The following LRRIQ1 variants were observed in gnomAD, a reference collection of about 807,000 sequenced individuals.
LRRIQ1 encodes leucine-rich repeat- and IQ domain-containing protein 1.
LRRIQ1 carries 210 observed loss-of-function variants against 211.9 expected under a neutral mutation model. That is an observed-to-expected ratio of 0.99 (90% CI 0.89 to 1.11). The LOEUF (loss-of-function observed/expected upper bound fraction) is 1.11. Among genes scored for constraint, LRRIQ1 ranks in the 50% most tolerant of loss-of-function variants. LRRIQ1 has a pLI of 0.00. For missense variants in LRRIQ1, 2,136 were observed against 1,939.5 expected (o/e 1.10, Z -1.90); for synonymous variants, 699 against 650.1 (o/e 1.08, Z -1.14).
rs768102095 is a variant in LRRIQ1 at position 85,055,531 on chromosome 12, TCTTA to T, written c.754-12_754-9del. On this transcript the variant is annotated splice_polypyrimidine_tract_variant and intron_variant, in intron 7 of 26. Transcript: ENST00000393217. ...TTTAGTTTATGCTGACTACCATGTATCTTACTTTGTTTTAGGAGTATATTAGAAA... is the reference window on the plus strand; with the variant it reads ...TTTAGTTTATGCTGACTACCATGTATCTTTGTTTTAGGAGTATATTAGAAA... 2 of 1,463,040 alleles carry T rather than the reference TCTTA, an allele frequency of 1.4e-6. No homozygotes were observed. Among genetic ancestry groups the T allele is most frequent in the South Asian group, 3.1e-5 (2 of 65,166 alleles). 90.6% of individuals were successfully genotyped at this position (1,463,040 alleles called of 1,614,324 possible).
At chr12:85,042,792 A>C (rs970508876) in intron 3 of LRRIQ1, among the ~76,000 whole-genome samples, 10 of 152,164 alleles carry the variant, frequency 6.6e-5, no homozygotes, top group Admixed American at 5.2e-4. Context: ...AAACTAGGAA[A>C]GATGTTATAA....
intron 15 of LRRIQ1, among the ~76,000 whole-genome samples, chr12:85,115,013 T>TA (rs953495167): frequency 5.9e-5 from 9 of 152,298 alleles, no homozygotes; most frequent in Admixed American, 3.9e-4. Context: ...GCTGATGTAC[T>TA]AAAAAAATCT....
At chr12:85,270,888 A>C in the LRRIQ1 span, among the ~76,000 whole-genome samples, 20 of 152,256 alleles carry the variant, frequency 1.3e-4, no homozygotes, top group Non-Finnish European at 2.2e-4. Flanking sequence ...AGTAGTCTCT[A>C]CATTATTACA....
intron 10 of LRRIQ1, among the ~76,000 whole-genome samples, chr12:85,068,219 G>A (rs1044400696): frequency 5.9e-5 from 9 of 151,842 alleles, no homozygotes; most frequent in Non-Finnish European, 1.3e-4. Flanking sequence ...GCTCCCAGAG[G>A]ATACCATACT....
At chr12:85,260,768 A>G (rs1368601399) in intron 1 of LRRIQ1, among the ~76,000 whole-genome samples, 2 of 152,162 alleles carry the variant, frequency 1.3e-5, no homozygotes, top group Non-Finnish European at 2.9e-5. Flanking sequence ...TTTAAAATGG[A>G]CCAAAGTAGA....
chr12:85,040,450 T>C, intron 2 of LRRIQ1, 40 bp from the exon 3 acceptor site: 1 of 1,256,266 alleles, frequency 8.0e-7, no homozygotes, highest in Non-Finnish European at 1.1e-6. Flanking sequence ...ATTTTGATAA[T>C]AAACACTTTC....
chr12:85,236,324 T>G (rs1593008809), intron 26 of LRRIQ1, among the ~76,000 whole-genome samples: 1 of 152,174 alleles, frequency 6.6e-6, no homozygotes, highest in Non-Finnish European at 1.5e-5. Context: ...AACAGGTATA[T>G]GACTGCTGTT....
intron 24 of LRRIQ1, among the ~76,000 whole-genome samples, chr12:85,207,352 T>C (rs549308218): frequency 6.6e-6 from 1 of 152,148 alleles, no homozygotes; most frequent in Non-Finnish European, 1.5e-5. Context: ...TACTTTCATA[T>C]GGTTGGCCAT....
At chr12:85,049,178 T>C (rs1326615911) in intron 6 of LRRIQ1, among the ~76,000 whole-genome samples, 1 of 152,186 alleles carries the variant, frequency 6.6e-6, no homozygotes, top group Non-Finnish European at 1.5e-5. Context: ...ATATATAATT[T>C]ACTTTCTGTC....
chr12:85,148,623 G>A (rs1890042340), intron 19 of LRRIQ1, among the ~76,000 whole-genome samples: 1 of 151,944 alleles, frequency 6.6e-6, no homozygotes, highest in Admixed American at 6.6e-5. Context: ...GTGTGCATGT[G>A]TCTTTTAGTA....
At chr12:85,217,946 C>G (rs1894234090) in intron 24 of LRRIQ1, among the ~76,000 whole-genome samples, 1 of 151,538 alleles carries the variant, frequency 6.6e-6, no homozygotes, top group African/African-American at 2.4e-5. Flanking sequence ...TATATTAACA[C>G]TCCCTGAGGG....
chr12:85,171,071 G>A (rs1252928477), intron 24 of LRRIQ1, among the ~76,000 whole-genome samples: 1 of 152,124 alleles, frequency 6.6e-6, no homozygotes, highest in Non-Finnish European at 1.5e-5. Flanking sequence ...GATGTAAGTA[G>A]AGCCAATGAG....
At chr12:85,214,227 A>C (rs1383882826) in intron 24 of LRRIQ1, among the ~76,000 whole-genome samples, 2 of 152,028 alleles carry the variant, frequency 1.3e-5, no homozygotes, top group South Asian at 4.1e-4. Flanking sequence ...AAAATGCTAA[A>C]GAAAAGCTTT....
At chr12:85,167,467 A>G (rs1891207202) in intron 24 of LRRIQ1, among the ~76,000 whole-genome samples, 1 of 151,184 alleles carries the variant, frequency 6.6e-6, no homozygotes, top group African/African-American at 2.5e-5. Flanking sequence ...GCCTCTTGCA[A>G]ACTGCTGGTG....
In LRRIQ1 at chr12:85,152,285, C is replaced by G; in HGVS notation, c.4335C>G (p.Ala1445=). 6.2e-7 allele frequency: 1 copy of G among 1,607,678 alleles called. No homozygotes were observed. Among genetic ancestry groups the G allele is most frequent in the Non-Finnish European group, 8.5e-7 (1 of 1,176,746 alleles). The change falls in exon 20 of 27, where the codon GCC becomes GCG. Residue 1445 remains alanine, a synonymous_variant. Transcript: ENST00000393217. ...DLEDFIFDEA[A]LEEEWLALDS... ...TTTTAATATTATTTGTGCAGGCTGC[C>G]TTAGAAGAAGAATGGCTAGCATTAG...
At chr12:85,128,125 A>C in intron 18 of LRRIQ1, 92 bp downstream of exon 18, 28 of 940,350 alleles carry the variant, frequency 3.0e-5, no homozygotes, top group Non-Finnish European at 4.0e-5. Context: ...TCCAAATCTC[A>C]GTGATTACAG....
intron 1 of LRRIQ1, among the ~76,000 whole-genome samples, chr12:85,253,390 A>G (rs1230270268): frequency 6.6e-6 from 1 of 152,092 alleles, no homozygotes; most frequent in Non-Finnish European, 1.5e-5. Flanking sequence ...GATTCATGCA[A>G]TATTCTCAAA....
intron 19 of LRRIQ1, among the ~76,000 whole-genome samples, chr12:85,139,571 T>A (rs756927516): frequency 2.0e-5 from 3 of 151,442 alleles, no homozygotes; most frequent in Non-Finnish European, 4.4e-5. Context: ...AGACTTGAAC[T>A]CCATTTTATA....
At chr12:85,093,698 A>G (rs916222845) in intron 11 of LRRIQ1, among the ~76,000 whole-genome samples, 8 of 152,224 alleles carry the variant, frequency 5.3e-5, no homozygotes, top group African/African-American at 1.9e-4. Flanking sequence ...GAAGAGAACA[A>G]TAATTGTGTT....
Sources: gnomAD v4.1 joint callset for allele counts (sites outside exome capture counted in the v4.1 genomes callset) on GRCh38, gnomAD v4.1.1 for gene constraint, MANE v1.5 for transcripts, NCBI Gene and HGNC (gene_info 2026-07-23, HGNC 2026-07-21) for gene names.